Variants in RGPD8 observed in about 807,000 individuals in gnomAD.
RGPD8 encodes RANBP2-like and GRIP domain-containing protein 8.
RGPD8 carries 15 observed loss-of-function variants against 89.1 expected under a neutral mutation model. The observed-to-expected ratio is 0.17, with a 90% CI of 0.11 to 0.26. The LOEUF (loss-of-function observed/expected upper bound fraction) is 0.26. Among genes scored for constraint, RGPD8 ranks in the 10% least tolerant of loss-of-function variants. RGPD8 has a pLI of 1.00. For missense variants in RGPD8, 178 were observed against 1,179.6 expected (o/e 0.15, Z 12.44); for synonymous variants, 62 against 420.9 (o/e 0.15, Z 10.44).
Position 112,428,613 on chromosome 2 carries a change from C to CTTGGGACT in RGPD8, c.73-4307_73-4306insAGTCCCAA, listed in dbSNP as rs1228883717. 2.0e-5 allele frequency among the ~76,000 whole-genome samples: 3 copies of CTTGGGACT among 150,408 alleles called. No individual in the cohort carries two copies. The East Asian group carries it at 5.8e-4, about 29-fold the overall frequency. ...TCTCAAACTGGTGATAAAGGGAAGT[C>CTTGGGACT]CCAAGAGCACAGCTGTGTAGCAAAG... On this transcript the variant is annotated intron_variant, in intron 1 of 22. Coordinates refer to ENST00000302558, the MANE Select transcript of RGPD8 (RefSeq NM_001164463.1).
chr2:112,426,361 C>T (rs1205083183), intron 1 of RGPD8, among the ~76,000 whole-genome samples: 1 of 151,362 alleles, frequency 6.6e-6, no homozygotes, highest in Admixed American at 6.6e-5. Flanking sequence ...AGGGATGATT[C>T]GTGTCCTGGG....
chr2:112,392,103 TCTAAA>T (rs1340776032), intron 18 of RGPD8, among the ~76,000 whole-genome samples: 1 of 14,434 alleles, frequency 6.9e-5, no homozygotes, highest in Non-Finnish European at 1.6e-4. Context: ...GACTACTGAC[TCTAAA>T]CTGTGCGGCT....
intron 21 of RGPD8, among the ~76,000 whole-genome samples, chr2:112,379,310 C>T (rs1678196356): frequency 6.6e-6 from 1 of 151,786 alleles, no homozygotes; most frequent in African/African-American, 2.4e-5. Flanking sequence ...GAAAATATAA[C>T]ATTTGGCCAG....
intron 2 of RGPD8, 67 bp downstream of exon 2, chr2:112,424,173 T>TC (rs1399362094): frequency 6.6e-7 from 1 of 1,521,970 alleles, no homozygotes; most frequent in African/African-American, 1.4e-5. Flanking sequence ...TTTACCTATT[T>TC]CAAAGAAGAA....
chr2:112,416,875 TA>T (rs1194592117), intron 6 of RGPD8, among the ~76,000 whole-genome samples: 101 of 131,098 alleles, frequency 7.7e-4, no homozygotes, highest in Non-Finnish European at 1.2e-3. Flanking sequence ...TATACTATTA[TA>T]AAAAAATAAA....
At position 112,432,493 on chromosome 2, in the gene RGPD8, A is replaced by G. The variant is rs2458945; in HGVS notation, c.72+889T>C. 660 of 984,866 alleles carry G rather than the reference A, an allele frequency of 6.7e-4. 1 individual carries two copies. The highest frequency in any genetic ancestry group is 4.7e-3 in the Middle Eastern group (9 of 1,914). 61.0% of individuals were successfully genotyped at this position (984,866 alleles called of 1,614,324 possible). A position where few individuals can be genotyped will look rare whatever the true frequency, so the allele number is the denominator to read the frequency against. On this transcript the variant is annotated intron_variant, in intron 1 of 22. Coordinates refer to ENST00000302558, the MANE Select transcript of RGPD8 (RefSeq NM_001164463.1). ...GGGGACTTTCCGTGTCATTTGTGCC[A>G]TCGGGCCATTGCAAATGTCCACGCT... is the stretch of plus-strand genomic sequence containing the variant.
chr2:112,415,127 T>C (rs1679335458), intron 6 of RGPD8, among the ~76,000 whole-genome samples: 1 of 148,728 alleles, frequency 6.7e-6, no homozygotes, highest in South Asian at 2.1e-4. Flanking sequence ...CTCACCCCTG[T>C]AATCCCAACA....
At position 112,433,397 on chromosome 2, in the gene RGPD8, G is replaced by A; in HGVS notation, c.57C>T (p.Thr19=). ...ACCCACTCACCTGTCGAGGCGACGG[G>A]GTGAGACCCAGCACCGAGGCGACGT... The part of the protein sequence containing the change: ...ERYVASVLGL[T]PSPRQKSMKG... Residue 19 remains threonine, a synonymous_variant, in exon 1 of 23, where the codon ACC becomes ACT. Transcript: ENST00000302558. 2.5e-6 allele frequency: 4 copies of A among 1,610,316 alleles called. No homozygotes were observed. Among genetic ancestry groups the A allele is most frequent in the Non-Finnish European group, 3.4e-6 (4 of 1,179,050 alleles).
chr2:112,429,498 T>G (rs1210482887), intron 1 of RGPD8, among the ~76,000 whole-genome samples: 1 of 149,838 alleles, frequency 6.7e-6, no homozygotes, highest in Non-Finnish European at 1.5e-5. Context: ...AAAGTATATA[T>G]GTGTGTTACT....
At chr2:112,426,243 T>C (rs1279938885) in intron 1 of RGPD8, among the ~76,000 whole-genome samples, 1 of 152,138 alleles carries the variant, frequency 6.6e-6, no homozygotes, top group Non-Finnish European at 1.5e-5. Flanking sequence ...AAAATAAAGG[T>C]CACTTGAACA....
chr2:112,402,655 T>TA (rs1476962467), intron 9 of RGPD8, among the ~76,000 whole-genome samples: 84 of 112,904 alleles, frequency 7.4e-4, no homozygotes, highest in Non-Finnish European at 1.1e-3. Flanking sequence ...TCTATGGAAA[T>TA]AACTTGCAAT....
intron 17 of RGPD8, among the ~76,000 whole-genome samples, chr2:112,395,627 AG>A: frequency 8.3e-6 from 1 of 120,440 alleles, no homozygotes; most frequent in Admixed American, 8.5e-5. Context: ...AAGGGAAAAA[AG>A]TAGTAGCTGC....
At chr2:112,377,252 C>T (rs1443035777) in intron 22 of RGPD8, among the ~76,000 whole-genome samples, 1 of 79,834 alleles carries the variant, frequency 1.3e-5, no homozygotes. Flanking sequence ...ATCCATCTGA[C>T]ATGGAAACCA....
chr2:112,411,689 C>T (rs1233710138), intron 7 of RGPD8, among the ~76,000 whole-genome samples: 1 of 24,402 alleles, frequency 4.1e-5, no homozygotes, highest in Admixed American at 4.9e-4. Flanking sequence ...CAAGAGATTG[C>T]GACCATCCTG....
At chr2:112,432,185 C>T (rs758726845) in intron 1 of RGPD8, among the ~76,000 whole-genome samples, 39 of 152,160 alleles carry the variant, frequency 2.6e-4, no homozygotes, top group Admixed American at 5.9e-4. Context: ...ATAGCTTCTT[C>T]CGTCACTCTT....
At chr2:112,431,061 G>A (rs977395525) in intron 1 of RGPD8, among the ~76,000 whole-genome samples, 2 of 152,146 alleles carry the variant, frequency 1.3e-5, no homozygotes, top group African/African-American at 4.8e-5. Context: ...AGAACAGCCT[G>A]GGCAACATGG....
At chr2:112,432,438 A>C in intron 1 of RGPD8, 1 of 977,110 alleles carries the variant, frequency 1.0e-6, no homozygotes, top group African/African-American at 1.8e-5. Context: ...TTACAAAGGG[A>C]CAGCGACAAA....
At position 112,371,663 on chromosome 2, in the gene RGPD8, C is replaced by T. The variant is rs367597019; in HGVS notation, c.5264-1451G>A. 1.1e-4 allele frequency among the ~76,000 whole-genome samples: 7 copies of T among 62,944 alleles called. No individual in the cohort carries two copies. In the East Asian group the frequency reaches 2.9e-3, roughly 26 times the overall value. 41.3% of individuals were successfully genotyped at this position (62,944 alleles called of 152,430 possible). A position where few individuals can be genotyped will look rare whatever the true frequency, so the allele number is the denominator to read the frequency against. ...TTTTGGAGATATAATTCATATACCA[C>T]ATAATTCACCTTTTTAAAGTGCATA... On this transcript the variant is annotated intron_variant, in intron 22 of 22. Transcript: ENST00000302558.
intron 6 of RGPD8, among the ~76,000 whole-genome samples, chr2:112,416,015 G>A (rs1300792960): frequency 5.3e-5 from 8 of 151,834 alleles, no homozygotes; most frequent in Non-Finnish European, 7.4e-5. Flanking sequence ...GCCTGAACCC[G>A]GGAGGCGGAG....
Sources: gnomAD v4.1 joint callset for allele counts (sites outside exome capture counted in the v4.1 genomes callset) on GRCh38, gnomAD v4.1.1 for gene constraint, MANE v1.5 for transcripts, NCBI Gene and HGNC (gene_info 2026-07-23, HGNC 2026-07-21) for gene names.